GALNT13: variants seen among roughly 807,000 people sequenced by gnomAD.
GALNT13 encodes polypeptide N-acetylgalactosaminyltransferase 13, also known as UDP-GalNAc:polypeptide N-acetylgalactosaminyltransferase 13.
A neutral mutation model predicts 64.2 loss-of-function variants in GALNT13; 28 were observed. That is an observed-to-expected ratio of 0.44 (90% CI 0.32 to 0.60). The LOEUF (loss-of-function observed/expected upper bound fraction) is 0.60. GALNT13 is among the 20% of genes least tolerant of loss of function. GALNT13 has a pLI of 0.05. For synonymous variants in GALNT13, 214 were observed against 224.6 expected (o/e 0.95, Z 0.42); for missense variants, 577 against 669.8 (o/e 0.86, Z 1.53).
At chr2:154,413,175 T>C (rs766372473) in intron 11 of GALNT13, among the ~76,000 whole-genome samples, 1 of 151,794 alleles carries the variant, frequency 6.6e-6, no homozygotes, top group Non-Finnish European at 1.5e-5. Context: ...GCCAGTTAAT[T>C]ATCGTTAATG....
At chr2:153,111,913 C>A in the GALNT13 span, among the ~76,000 whole-genome samples, 5 of 152,142 alleles carry the variant, frequency 3.3e-5, no homozygotes, top group African/African-American at 1.2e-4. Context: ...AAATCTAATA[C>A]TTATGGCTTA....
chr2:153,237,955 G>A, the GALNT13 span, among the ~76,000 whole-genome samples: 2,655 of 152,138 alleles, frequency 0.017, 77 homozygotes, highest in African/African-American at 0.061. Context: ...CACCACCAGT[G>A]TATGACAATT....
At chr2:153,406,753 A>G in the GALNT13 span, among the ~76,000 whole-genome samples, 43 of 152,258 alleles carry the variant, frequency 2.8e-4, no homozygotes, top group African/African-American at 1.0e-3. Flanking sequence ...AATTTAGTAT[A>G]TTTAATTTTC....
chr2:154,002,118 T>A (rs1010013442), intron 3 of GALNT13, among the ~76,000 whole-genome samples: 6 of 152,132 alleles, frequency 3.9e-5, no homozygotes, highest in Admixed American at 3.9e-4. Flanking sequence ...CAATTTTTAA[T>A]AATTTAATTA....
At chr2:153,766,332 A>G in the GALNT13 span, among the ~76,000 whole-genome samples, 62,565 of 151,848 alleles carry the variant, frequency 0.41, 14,878 homozygotes, top group Middle Eastern at 0.55. Context: ...ATTATGTCCC[A>G]TGGCAATCTC....
the GALNT13 span, among the ~76,000 whole-genome samples, chr2:153,513,097 C>T: frequency 1.3e-5 from 2 of 152,084 alleles, no homozygotes; most frequent in Non-Finnish European, 2.9e-5. Context: ...AAAATAAATA[C>T]CTGTTGAGTA....
the GALNT13 span, among the ~76,000 whole-genome samples, chr2:153,110,523 T>A: frequency 6.6e-6 from 1 of 152,150 alleles, no homozygotes; most frequent in Admixed American, 6.6e-5. Context: ...GTGCCCTAAG[T>A]CTAGTAAAGG....
chr2:153,568,508 T>C, the GALNT13 span, among the ~76,000 whole-genome samples: 40 of 152,216 alleles, frequency 2.6e-4, 1 homozygote, highest in Non-Finnish European at 1.5e-5. Flanking sequence ...TAGAGTGAAA[T>C]AGAAAGTATG....
the GALNT13 span, among the ~76,000 whole-genome samples, chr2:153,458,633 A>C: frequency 6.6e-6 from 1 of 152,202 alleles, no homozygotes; most frequent in Non-Finnish European, 1.5e-5. Context: ...ATCTGCGGAC[A>C]GATTCTAGGC....
the GALNT13 span, among the ~76,000 whole-genome samples, chr2:153,773,871 A>G: frequency 3.3e-5 from 5 of 152,286 alleles, no homozygotes; most frequent in South Asian, 1.0e-3. Flanking sequence ...TTATCCCAAG[A>G]CAATTATATA....
the GALNT13 span, among the ~76,000 whole-genome samples, chr2:153,786,607 C>T: frequency 1.3e-5 from 2 of 151,904 alleles, no homozygotes; most frequent in Non-Finnish European, 2.9e-5. Flanking sequence ...TCAGTCTCTC[C>T]TCCTGGTGAG....
chr2:154,063,988 G>A (rs1283676459), intron 3 of GALNT13, among the ~76,000 whole-genome samples: 2 of 152,156 alleles, frequency 1.3e-5, no homozygotes, highest in East Asian at 3.9e-4. Flanking sequence ...AAGAGGGTAG[G>A]AAAGAAAGTC....
chr2:153,503,816 T>C, the GALNT13 span, among the ~76,000 whole-genome samples: 1 of 152,196 alleles, frequency 6.6e-6, no homozygotes, highest in Non-Finnish European at 1.5e-5. Flanking sequence ...AGTTGGGTAA[T>C]GTGATGCCTC....
At chr2:154,363,072 T>C (rs1470584404) in intron 9 of GALNT13, among the ~76,000 whole-genome samples, 1 of 152,116 alleles carries the variant, frequency 6.6e-6, no homozygotes, top group East Asian at 1.9e-4. Flanking sequence ...TCAAAACTTG[T>C]TTTTTTCTCA....
At chr2:153,484,119 T>G in the GALNT13 span, among the ~76,000 whole-genome samples, 1 of 152,276 alleles carries the variant, frequency 6.6e-6, no homozygotes, top group East Asian at 1.9e-4. Context: ...TACAGAACAC[T>G]TAGAAAATAA....
chr2:153,782,948 T>A, the GALNT13 span, among the ~76,000 whole-genome samples: 1 of 152,186 alleles, frequency 6.6e-6, no homozygotes, highest in Non-Finnish European at 1.5e-5. Context: ...CAGGTGAGCG[T>A]GCTTGAAGGA....
chr2:154,280,314 T>G (rs1440860090), intron 8 of GALNT13, among the ~76,000 whole-genome samples: 1 of 152,182 alleles, frequency 6.6e-6, no homozygotes, highest in Non-Finnish European at 1.5e-5. Context: ...CTATGTATTA[T>G]TATTATTCTT....
At chr2:153,745,828 T>C in the GALNT13 span, among the ~76,000 whole-genome samples, 1 of 152,194 alleles carries the variant, frequency 6.6e-6, no homozygotes, top group East Asian at 1.9e-4. Flanking sequence ...AATCAAGCGA[T>C]TGTCCCACCT....
chr2:153,651,923 T>C, the GALNT13 span, among the ~76,000 whole-genome samples: 4 of 152,174 alleles, frequency 2.6e-5, no homozygotes, highest in South Asian at 8.3e-4. Flanking sequence ...ACATAATGTT[T>C]GCATAAATTT....
Sources: gnomAD v4.1 joint callset for allele counts (sites outside exome capture counted in the v4.1 genomes callset) on GRCh38, gnomAD v4.1.1 for gene constraint, MANE v1.5 for transcripts, NCBI Gene and HGNC (gene_info 2026-07-23, HGNC 2026-07-21) for gene names.